The following NPAS3 variants were observed in gnomAD, a reference collection of about 807,000 sequenced individuals.
NPAS3 encodes neuronal PAS domain-containing protein 3.
Under a neutral mutation model 73.1 loss-of-function variants are expected in NPAS3, and 14 were observed. The observed-to-expected ratio is 0.19, with a 90% CI of 0.13 to 0.30. The LOEUF (loss-of-function observed/expected upper bound fraction) is 0.30. NPAS3 is among the 10% of genes least tolerant of loss of function. NPAS3 has a pLI of 1.00. For synonymous variants in NPAS3, 620 were observed against 541.5 expected (o/e 1.14, Z -2.01); for missense variants, 1,096 against 1,250.0 (o/e 0.88, Z 1.86).
chr14:33,377,062 ATATT>A (rs1171562504), intron 4 of NPAS3, among the ~76,000 whole-genome samples: 1 of 152,222 alleles, frequency 6.6e-6, no homozygotes, highest in Non-Finnish European at 1.5e-5. Flanking sequence ...AACAAGATAA[ATATT>A]CTTTATTGAA....
At chr14:33,001,879 G>A (rs2038820984) in intron 1 of NPAS3, among the ~76,000 whole-genome samples, 2 of 152,246 alleles carry the variant, frequency 1.3e-5, no homozygotes, top group African/African-American at 4.8e-5. Flanking sequence ...TGTACCTAAA[G>A]AATCACTGTT....
At chr14:33,100,888 G>A (rs1566561228) in intron 2 of NPAS3, among the ~76,000 whole-genome samples, 1 of 152,126 alleles carries the variant, frequency 6.6e-6, no homozygotes, top group Non-Finnish European at 1.5e-5. Context: ...ATGTTTGAAG[G>A]TAAATGTTTA....
intron 7 of NPAS3, among the ~76,000 whole-genome samples, chr14:33,746,412 C>T (rs1340418935): frequency 1.3e-5 from 2 of 151,614 alleles, no homozygotes; most frequent in Non-Finnish European, 2.9e-5. Flanking sequence ...TGGTCTCAAA[C>T]TCCTGACCTC....
intron 4 of NPAS3, among the ~76,000 whole-genome samples, chr14:33,385,102 T>C (rs1040201242): frequency 2.0e-5 from 3 of 152,184 alleles, no homozygotes; most frequent in Non-Finnish European, 2.9e-5. Flanking sequence ...TAATCTATGA[T>C]GGTTCACATT....
chr14:33,243,719 A>G (rs979284782), intron 3 of NPAS3, among the ~76,000 whole-genome samples: 1 of 152,026 alleles, frequency 6.6e-6, no homozygotes, highest in Non-Finnish European at 1.5e-5. Context: ...GCATTGGCCT[A>G]GAGCACCATG....
intron 5 of NPAS3, among the ~76,000 whole-genome samples, chr14:33,638,755 C>G (rs1483863998): frequency 6.6e-6 from 1 of 152,182 alleles, no homozygotes; most frequent in Non-Finnish European, 1.5e-5. Flanking sequence ...TTAGAGCAAG[C>G]ATTTCAAAGC....
intron 2 of NPAS3, among the ~76,000 whole-genome samples, chr14:33,166,742 A>G (rs2139349675): frequency 6.6e-6 from 1 of 152,288 alleles, no homozygotes; most frequent in South Asian, 2.1e-4. Context: ...ATGGGATGAG[A>G]TGGTACACAT....
At chr14:33,793,453 A>G (rs970906011) in intron 9 of NPAS3, among the ~76,000 whole-genome samples, 2 of 152,252 alleles carry the variant, frequency 1.3e-5, no homozygotes, top group African/African-American at 4.8e-5. Flanking sequence ...AGAAACGATC[A>G]AAGACGAGGG....
At position 33,166,274 on chromosome 14, in the gene NPAS3, T is replaced by C. The variant is rs895047586; in HGVS notation, c.141-48908T>C. Among the ~76,000 whole-genome samples, 18 of 152,354 alleles carry C rather than the reference T, an allele frequency of 1.2e-4. No individual in the cohort carries two copies. In the East Asian group the frequency reaches 3.5e-3, roughly 29 times the overall value. ...CTCCTCACATAGCTGGTCTTACCTG[T>C]TCTGTGGGCATCTTCCCCGTTCCTG... On this transcript the variant is annotated intron_variant, in intron 2 of 11. Coordinates refer to ENST00000356141, the Ensembl canonical transcript of NPAS3.
At chr14:33,355,876 C>T (rs899289891) in intron 3 of NPAS3, among the ~76,000 whole-genome samples, 7 of 125,298 alleles carry the variant, frequency 5.6e-5, no homozygotes, top group African/African-American at 1.8e-4. Flanking sequence ...TTCTTTCATA[C>T]TGCTGCTTAT....
intron 6 of NPAS3, among the ~76,000 whole-genome samples, chr14:33,692,864 G>C (rs1290723420): frequency 6.1e-5 from 3 of 48,914 alleles, no homozygotes; most frequent in Non-Finnish European, 1.3e-4. Flanking sequence ...AAAAAAAAAA[G>C]CCTTGAGTTA....
intron 5 of NPAS3, among the ~76,000 whole-genome samples, chr14:33,594,913 A>G (rs2057189701): frequency 6.6e-6 from 1 of 152,190 alleles, no homozygotes; most frequent in Non-Finnish European, 1.5e-5. Context: ...CAGTATTATA[A>G]GGGGAAAAGA....
At chr14:33,197,736 T>C (rs2046425395) in intron 2 of NPAS3, among the ~76,000 whole-genome samples, 1 of 152,210 alleles carries the variant, frequency 6.6e-6, no homozygotes. Context: ...TGGAGAGATT[T>C]AACATTTCAC....
At chr14:33,067,663 C>T (rs1475335431) in intron 2 of NPAS3, among the ~76,000 whole-genome samples, 2 of 152,112 alleles carry the variant, frequency 1.3e-5, no homozygotes, top group East Asian at 1.9e-4. Context: ...AAAAACAAGC[C>T]CTTGTATTAC....
At chr14:32,938,486 TGAGAGAGAGAGAGA>T (rs369330767), upstream of NPAS3, among the ~76,000 whole-genome samples, 19 of 55,934 alleles carry the variant, frequency 3.4e-4, no homozygotes, top group South Asian at 2.4e-3. Flanking sequence ...AGAGAGAAAT[TGAGAGAGAGAGAGA>T]GAGAGAGAGA....
intron 1 of NPAS3, among the ~76,000 whole-genome samples, chr14:32,953,108 A>C (rs958349900): frequency 1.3e-5 from 2 of 151,438 alleles, no homozygotes; most frequent in Non-Finnish European, 2.9e-5. Flanking sequence ...CAACAACAAA[A>C]AACCCCAAAC....
intron 4 of NPAS3, among the ~76,000 whole-genome samples, chr14:33,507,815 T>G (rs371403357): frequency 6.6e-6 from 1 of 152,058 alleles, no homozygotes; most frequent in East Asian, 1.9e-4. Flanking sequence ...GGAGTCTGTG[T>G]TTTTGTACTT....
chr14:33,616,895 A>G (rs922928661), intron 5 of NPAS3, among the ~76,000 whole-genome samples: 1 of 152,218 alleles, frequency 6.6e-6, no homozygotes, highest in Admixed American at 6.5e-5. Context: ...AAGTGAGGAA[A>G]AGAACTGTGG....
intron 5 of NPAS3, among the ~76,000 whole-genome samples, chr14:33,674,228 A>G (rs979463561): frequency 6.6e-6 from 1 of 151,938 alleles, no homozygotes; most frequent in Non-Finnish European, 1.5e-5. Flanking sequence ...CAGCTCCCCT[A>G]AAAAAATCTA....
Sources: allele counts gnomAD v4.1 joint callset (sites outside exome capture counted in the v4.1 genomes callset), GRCh38; gene constraint gnomAD v4.1.1; transcripts MANE v1.5; gene names NCBI Gene and HGNC (gene_info 2026-07-23, HGNC 2026-07-21).